The following TAF1B variants were observed in gnomAD, a reference collection of about 807,000 sequenced individuals.
TAF1B encodes the protein TATA-box binding protein associated factor, RNA polymerase I subunit B.
TAF1B carries 61 observed loss-of-function variants against 83.9 expected under a neutral mutation model. That is an observed-to-expected ratio of 0.73 (90% CI 0.59 to 0.90). TAF1B has a LOEUF of 0.90. Ranked by LOEUF, TAF1B falls within the 40% of genes least tolerant of loss-of-function variation. The probability of loss-of-function intolerance (pLI) is 0.00; values close to 1 mark genes in which losing one functional copy is unlikely to be tolerated. For missense variants in TAF1B, 625 were observed against 677.0 expected (o/e 0.92, Z 0.85); for synonymous variants, 221 against 224.6 (o/e 0.98, Z 0.14).
In TAF1B at chr2:9,904,996, C is replaced by A; in HGVS notation, c.945C>A (p.Val315=). The change falls in exon 9 of 15, where the codon GTC becomes GTA. Residue 315 remains valine (V), a synonymous_variant. Coordinates refer to ENST00000263663, the MANE Select transcript of TAF1B (RefSeq NM_005680.3). ...TGTGTATGAAATACTTGATGGAAGTCAACCTCCCTGGTAAGTGTGTGACAT... is the reference window on the plus strand; with the variant it reads ...TGTGTATGAAATACTTGATGGAAGTAAACCTCCCTGGTAAGTGTGTGACAT... ...NILCMKYLME[V]NLPDEMHSLT... is the part of the protein sequence containing the mutation. 2 of 1,611,968 alleles carry A rather than the reference C, an allele frequency of 1.2e-6. No homozygotes were observed. The highest frequency in any genetic ancestry group is 2.2e-5 in the South Asian group (2 of 90,954).
At chr2:9,871,890 C>T (rs12622420) in intron 6 of TAF1B, among the ~76,000 whole-genome samples, 36,605 of 151,852 alleles carry the variant, frequency 0.24, 4,935 homozygotes, top group East Asian at 0.3. Flanking sequence ...TAAACTTTCA[C>T]TTAAGCCTCC....
At chr2:9,925,216 C>T (rs553805353) in intron 14 of TAF1B, among the ~76,000 whole-genome samples, 15 of 152,160 alleles carry the variant, frequency 9.9e-5, no homozygotes, top group South Asian at 4.1e-4. Flanking sequence ...CCGAGGTGGG[C>T]GGATTACGAG....
rs16867197 is a variant in TAF1B at position 9,852,075 on chromosome 2, G to T, written c.303+437G>T. 2,764 of 469,300 alleles carry T rather than the reference G, an allele frequency of 5.9e-3. 66 individuals carry two copies. Among genetic ancestry groups the T allele is most frequent in the African/African-American group, 0.049 (2,456 of 50,138 alleles). 29.1% of individuals were successfully genotyped at this position (469,300 alleles called of 1,614,324 possible). On this transcript the variant is annotated intron_variant, in intron 4 of 14. Transcript: ENST00000263663. ...CAGAATGCACTTTGGACAGCGATAT[G>T]CTAAACCAGTCGTTCACCTGAGTGC...
rs1340472513 is a variant in TAF1B, at chr2:9,868,258, A to G, written c.400-18A>G. On this transcript the variant is annotated intron_variant, in intron 5 of 14. Coordinates refer to ENST00000263663, the MANE Select transcript of TAF1B (RefSeq NM_005680.3). ...AAACTGTTACACAATAATTTTATTTATATTGTTTTGCAAACAGGTATTAGA... is the reference window on the plus strand; with the variant it reads ...AAACTGTTACACAATAATTTTATTTGTATTGTTTTGCAAACAGGTATTAGA... The G allele has an allele frequency of 1.2e-6, 2 of 1,610,492 alleles. No individual in the cohort carries two copies. The highest frequency in any genetic ancestry group is 1.7e-6 in the Non-Finnish European group (2 of 1,177,656).
chr2:9,907,036 C>T (rs1422517999), intron 9 of TAF1B, among the ~76,000 whole-genome samples: 1 of 152,002 alleles, frequency 6.6e-6, no homozygotes, highest in Non-Finnish European at 1.5e-5. Flanking sequence ...CACCACCATA[C>T]CTGGCTAGTT....
intron 8 of TAF1B, among the ~76,000 whole-genome samples, chr2:9,903,372 A>C (rs535342533): frequency 1.5e-4 from 23 of 152,310 alleles, no homozygotes; most frequent in Middle Eastern, 3.4e-3. Context: ...GGTGTGGGCC[A>C]CCGTACCCTG....
chr2:9,876,359 C>CTG (rs1015818072), intron 7 of TAF1B, among the ~76,000 whole-genome samples: 9 of 152,216 alleles, frequency 5.9e-5, no homozygotes, highest in Admixed American at 2.6e-4. Context: ...AACAGGTGAT[C>CTG]TTTACATTAG....
intron 6 of TAF1B, among the ~76,000 whole-genome samples, chr2:9,874,098 TAA>T (rs957729796): frequency 3.3e-5 from 5 of 152,164 alleles, no homozygotes; most frequent in Non-Finnish European, 4.4e-5. Flanking sequence ...TCTGTTCTTA[TAA>T]AGAGAAAGAG....
intron 8 of TAF1B, among the ~76,000 whole-genome samples, chr2:9,886,273 G>A (rs1223999951): frequency 6.6e-6 from 1 of 150,672 alleles, no homozygotes; most frequent in East Asian, 1.9e-4. Flanking sequence ...GTTAACTTTT[G>A]AATGTGTTCA....
At chr2:9,879,172 G>C (rs540960474) in intron 7 of TAF1B, among the ~76,000 whole-genome samples, 44 of 152,242 alleles carry the variant, frequency 2.9e-4, no homozygotes, top group African/African-American at 1.0e-3. Flanking sequence ...TTATAAGTTA[G>C]GCATAGTAAG....
intron 1 of TAF1B, among the ~76,000 whole-genome samples, chr2:9,844,901 A>G (rs540128649): frequency 2.6e-5 from 4 of 152,272 alleles, no homozygotes; most frequent in Admixed American, 6.5e-5. Flanking sequence ...AGTCTTCTCT[A>G]TACTTGTTTG....
At chr2:9,855,967 A>G (rs543977640) in intron 5 of TAF1B, among the ~76,000 whole-genome samples, 1 of 152,312 alleles carries the variant, frequency 6.6e-6, no homozygotes, top group East Asian at 1.9e-4. Context: ...GTAAGGGACC[A>G]TCTATAGTTA....
Position 9,934,077 on chromosome 2 carries a change from T to C in TAF1B, c.*93T>C. ...CATTCCAGAGAATTGTGGAAAATACTGCATATATATGTATAGACTCTGACA... is the reference window on the plus strand; with the variant it reads ...CATTCCAGAGAATTGTGGAAAATACCGCATATATATGTATAGACTCTGACA... On this transcript the variant is annotated 3_prime_UTR_variant, in exon 15 of 15. Coordinates refer to ENST00000263663, the MANE Select transcript of TAF1B (RefSeq NM_005680.3). 1 of 981,912 alleles carries C rather than the reference T, an allele frequency of 1.0e-6. No homozygotes were observed. Among genetic ancestry groups the C allele is most frequent in the Non-Finnish European group, 1.5e-6 (1 of 671,378 alleles). The allele number at this position is 981,912 out of a possible 1,614,324, so 60.8% of individuals were successfully genotyped here. A position where few individuals can be genotyped will look rare whatever the true frequency, so the allele number is the denominator to read the frequency against.
At chr2:9,901,389 G>A (rs757166536) in intron 8 of TAF1B, among the ~76,000 whole-genome samples, 22 of 152,218 alleles carry the variant, frequency 1.4e-4, no homozygotes, top group African/African-American at 4.1e-4. Context: ...ATTCATATTC[G>A]AAAGAATAGT....
intron 13 of TAF1B, 100 bp downstream of exon 13, chr2:9,919,211 T>C (rs1443774445): frequency 9.9e-7 from 1 of 1,012,172 alleles, no homozygotes; most frequent in Non-Finnish European, 1.5e-6. Flanking sequence ...TTTTTACTTT[T>C]TTTAAACAAA....
intron 5 of TAF1B, among the ~76,000 whole-genome samples, chr2:9,854,714 CTG>C (rs1361068939): frequency 6.6e-6 from 1 of 152,192 alleles, no homozygotes; most frequent in African/African-American, 2.4e-5. Flanking sequence ...GTTTCTATCA[CTG>C]TACTATTAAA....
At position 9,904,868 on chromosome 2, in the gene TAF1B, G is replaced by C. The variant is rs771960887; in HGVS notation, c.817G>C (p.Asp273His). Reference sequence around the variant, plus strand: ...CTCTCTTTTATTTCAGTCTTGGCCTGACTACGAGGACATCTACAAAAAAAC... The same window carrying C: ...CTCTCTTTTATTTCAGTCTTGGCCTCACTACGAGGACATCTACAAAAAAAC... ...RGIFGIESWPDYEDIYKKTVE... is the reference protein window; with the variant it reads ...RGIFGIESWPHYEDIYKKTVE... The change falls in exon 9 of 15, where the codon GAC becomes CAC. Residue 273 changes from aspartate to histidine, a missense_variant. Coordinates refer to ENST00000263663, the MANE Select transcript of TAF1B (RefSeq NM_005680.3). The C allele has an allele frequency of 2.5e-6, 4 of 1,610,000 alleles. No homozygotes were observed. The highest frequency in any genetic ancestry group is 2.5e-6 in the Non-Finnish European group (3 of 1,176,696).
Position 9,919,667 on chromosome 2 carries a change from G to A in TAF1B, c.1412G>A (p.Ser471Asn), listed in dbSNP as rs753813125. 9.6e-5 allele frequency: 155 copies of A among 1,613,978 alleles called. No individual in the cohort carries two copies. In the South Asian group the frequency reaches 1.6e-3, roughly 17 times the overall value. Residue 471 changes from serine (S) to asparagine (N), a missense_variant, in exon 14 of 15, where the codon AGC becomes AAC. Transcript: ENST00000263663. The stretch of plus-strand genomic sequence containing the variant: ...TCAACAGCAACTGCTGGAAAAAAAA[G>A]CCCTTCAAGTTTTCAGTTCAACTGG... Reference protein sequence around the residue: ...VESTATAGKKSPSSFQFNWTE... With the variant: ...VESTATAGKKNPSSFQFNWTE...
At chr2:9,910,125 T>A (rs546325980) in intron 9 of TAF1B, among the ~76,000 whole-genome samples, 2 of 152,244 alleles carry the variant, frequency 1.3e-5, no homozygotes, top group African/African-American at 2.4e-5. Flanking sequence ...CCTCAATTTA[T>A]TCTCATTATA....
Sources: gnomAD v4.1 joint callset for allele counts (sites outside exome capture counted in the v4.1 genomes callset) on GRCh38, gnomAD v4.1.1 for gene constraint, MANE v1.5 for transcripts, NCBI Gene and HGNC (gene_info 2026-07-23, HGNC 2026-07-21) for gene names.